ARHGAP11A: variants seen among roughly 807,000 people sequenced by gnomAD.
ARHGAP11A encodes rho GTPase-activating protein 11A.
A neutral mutation model predicts 60.5 loss-of-function variants in ARHGAP11A; 36 were observed. The observed-to-expected ratio is 0.59, with a 90% confidence interval of 0.46 to 0.79. The LOEUF (loss-of-function observed/expected upper bound fraction) is 0.79, where lower values mean the gene tolerates loss of function less well. Ranked by LOEUF, ARHGAP11A falls within the 30% of genes least tolerant of loss-of-function variation. ARHGAP11A has a pLI of 0.00. For missense variants in ARHGAP11A, 1,071 were observed against 1,199.2 expected, an observed-to-expected ratio of 0.89 and a Z score of 1.58; for synonymous variants, 362 against 415.5, an observed-to-expected ratio of 0.87 and a Z score of 1.57.
At chr15:32,621,907 C>T (rs1056425016) in intron 2 of ARHGAP11A, among the ~76,000 whole-genome samples, 1 of 152,304 alleles carries the variant, frequency 6.6e-6, no homozygotes, top group Non-Finnish European at 1.5e-5. Flanking sequence ...TCCCCTCCAT[C>T]TAAAGTAGGG....
rs750291469 is a variant in ARHGAP11A, at chr15:32,637,084, G to A, written c.2311G>A (p.Val771Ile). Residue 771 changes from valine (V) to isoleucine (I), a missense_variant, in exon 12 of 12, where the codon GTA (valine) becomes ATA (isoleucine). This residue lies in a region of ARHGAP11A where 776 missense variants were observed against 760.2 expected (regional missense o/e 1.02). Coordinates refer to ENST00000361627, the MANE Select transcript of ARHGAP11A (RefSeq NM_014783.6). ...TTTCTCACAGCAGAGTACATGTGTTGTAACAAACTTGTCAAAACCTAGGCC... is the reference window on the plus strand; with the variant it reads ...TTTCTCACAGCAGAGTACATGTGTTATAACAAACTTGTCAAAACCTAGGCC... Reference protein sequence around the residue: ...SSFSQQSTCVVTNLSKPRPMR... With the variant: ...SSFSQQSTCVITNLSKPRPMR... 4 of 1,613,868 alleles carry A rather than the reference G, an allele frequency of 2.5e-6. No individual in the cohort carries two copies. Among genetic ancestry groups the A allele is most frequent in the Non-Finnish European group, 2.5e-6 (3 of 1,180,036 alleles).
chr15:32,623,902 C>T (rs890745478), intron 3 of ARHGAP11A, among the ~76,000 whole-genome samples: 8 of 151,988 alleles, frequency 5.3e-5, no homozygotes, highest in African/African-American at 4.8e-5. Flanking sequence ...GTGGCACATG[C>T]TTGTAGTCCC....
At chr15:32,619,634 A>G (rs1255512292) in intron 1 of ARHGAP11A, among the ~76,000 whole-genome samples, 1 of 152,172 alleles carries the variant, frequency 6.6e-6, no homozygotes, top group Non-Finnish European at 1.5e-5. Flanking sequence ...GGAAGACTCA[A>G]TGAATGACAG....
At chr15:32,618,327 A>AC (rs2053211265) in intron 1 of ARHGAP11A, among the ~76,000 whole-genome samples, 1 of 152,230 alleles carries the variant, frequency 6.6e-6, no homozygotes, top group Admixed American at 6.5e-5. Context: ...AAGTAGACTT[A>AC]CCAGCTTAAG....
At chr15:32,622,386 C>T (rs180898859) in intron 2 of ARHGAP11A, among the ~76,000 whole-genome samples, 1 of 152,288 alleles carries the variant, frequency 6.6e-6, no homozygotes, top group East Asian at 1.9e-4. Context: ...CCACTCCAGC[C>T]TGGGTGACAG....
chr15:32,637,668 G>T lies in ARHGAP11A; in HGVS notation c.2895G>T (p.Leu965=). 1.9e-6 allele frequency: 3 copies of T among 1,614,168 alleles called. No homozygotes were observed. Among genetic ancestry groups the T allele is most frequent in the Non-Finnish European group, 2.5e-6 (3 of 1,179,996 alleles). ...DGQVKVPLDD[L]TNHDIVKPVV... ...AAGTTAAGGTTCCCTTGGATGATCT[G>T]ACTAATCATGATATAGTAAAACCAG... Residue 965 remains leucine (L), a synonymous_variant, in exon 12 of 12, where the codon CTG becomes CTT. Transcript: ENST00000361627.
chr15:32,637,875 A>G lies in ARHGAP11A; in HGVS notation c.*30A>G. On this transcript the variant is annotated 3_prime_UTR_variant, in exon 12 of 12. Transcript: ENST00000361627. The stretch of plus-strand genomic sequence containing the variant: ...TAAATGTTATACTTGTCATTAATGT[A>G]AATAAAGTGAGTAATTGGTATGACT... 1 of 1,508,832 alleles carries G rather than the reference A, an allele frequency of 6.6e-7. No homozygotes were observed. The highest frequency in any genetic ancestry group is 2.3e-5 in the East Asian group (1 of 43,926). The allele number at this position is 1,508,832 out of a possible 1,614,324, so 93.5% of individuals were successfully genotyped here. A position where few individuals can be genotyped will look rare whatever the true frequency, so the allele number is the denominator to read the frequency against.
chr15:32,634,163 A>T, intron 10 of ARHGAP11A, 122 bp downstream of exon 10: 1 of 674,722 alleles, frequency 1.5e-6, no homozygotes. Context: ...TTTTATCCAA[A>T]ACTCTTATAC....
intron 4 of ARHGAP11A, 136 bp from the exon 5 acceptor site, chr15:32,624,944 T>C: frequency 1.3e-6 from 1 of 776,144 alleles, no homozygotes; most frequent in Middle Eastern, 3.0e-4. Flanking sequence ...TTCAAGCCAA[T>C]CATGTAGATG....
At chr15:32,623,055 G>C (rs895549944) in intron 2 of ARHGAP11A, among the ~76,000 whole-genome samples, 2 of 150,716 alleles carry the variant, frequency 1.3e-5, no homozygotes, top group Non-Finnish European at 3.0e-5. Flanking sequence ...GTGATAGATC[G>C]AGCAATACGA....
intron 6 of ARHGAP11A, among the ~76,000 whole-genome samples, chr15:32,628,002 G>T (rs2140460855): frequency 6.6e-6 from 1 of 152,140 alleles, no homozygotes; most frequent in Middle Eastern, 3.4e-3. Context: ...TAGAAAGGGG[G>T]TTTCACTGTG....
In ARHGAP11A at chr15:32,616,221, C is replaced by G. The variant is rs1378869993; in HGVS notation, c.10C>G (p.Gln4Glu). 6.2e-7 allele frequency: 1 copy of G among 1,614,096 alleles called. No individual in the cohort carries two copies. The highest frequency in any genetic ancestry group is 1.7e-5 in the Admixed American group (1 of 60,006). MWD[Q>E]RLVRLALLQH... ...TATCGACGTATCCGGAATGTGGGAT[C>G]AGAGGCTGGTGAGGTTGGCCCTGTT... The change falls in exon 1 of 12, where the codon CAG becomes GAG. Residue 4 changes from glutamine to glutamate, a missense_variant. By Grantham distance (29) the Gln-to-Glu change is conservative. This residue lies in a region of ARHGAP11A where 28 missense variants were observed against 24.5 expected (regional missense o/e 1.14). Transcript: ENST00000361627.
intron 1 of ARHGAP11A, among the ~76,000 whole-genome samples, chr15:32,618,584 G>A (rs543878944): frequency 1.3e-5 from 2 of 152,310 alleles, no homozygotes; most frequent in South Asian, 4.1e-4. Flanking sequence ...GGATACCGAG[G>A]AACAGAATGT....
intron 8 of ARHGAP11A, 141 bp from the exon 9 acceptor site, chr15:32,632,838 G>T (rs2053615316): frequency 1.3e-6 from 1 of 791,230 alleles, no homozygotes. Context: ...GACACTTGAA[G>T]TTTCTAACCA....
chr15:32,633,136 A>C, intron 9 of ARHGAP11A, 28 bp downstream of exon 9: 1 of 1,612,264 alleles, frequency 6.2e-7, no homozygotes, highest in Non-Finnish European at 8.5e-7. Flanking sequence ...TTTTGTTTTC[A>C]TCGGATAAAT....
At chr15:32,618,823 G>T (rs2053227376) in intron 1 of ARHGAP11A, among the ~76,000 whole-genome samples, 1 of 145,116 alleles carries the variant, frequency 6.9e-6, no homozygotes, top group Admixed American at 7.1e-5. Flanking sequence ...GTGGTGGCGG[G>T]CGCCTGTAGT....
At chr15:32,622,226 T>C (rs1446670991) in intron 2 of ARHGAP11A, among the ~76,000 whole-genome samples, 1 of 152,298 alleles carries the variant, frequency 6.6e-6, no homozygotes, top group Non-Finnish European at 1.5e-5. Flanking sequence ...AAGACAAGCC[T>C]GGGCAACATG....
chr15:32,616,094 G>C lies in ARHGAP11A; in HGVS notation c.-118G>C. On this transcript the variant is annotated 5_prime_UTR_variant, in exon 1 of 12. Coordinates refer to ENST00000361627, the MANE Select transcript of ARHGAP11A (RefSeq NM_014783.6). ...GTCGGGGCCGCAGAAGTGCCAGACGGGGCCGGAAAGCAGCCGAGCGGAGTT... is the reference window on the plus strand; with the variant it reads ...GTCGGGGCCGCAGAAGTGCCAGACGCGGCCGGAAAGCAGCCGAGCGGAGTT... 1 of 1,464,564 alleles carries C rather than the reference G, an allele frequency of 6.8e-7. No individual in the cohort carries two copies. Among genetic ancestry groups the C allele is most frequent in the Non-Finnish European group, 9.1e-7 (1 of 1,097,194 alleles). 90.7% of individuals were successfully genotyped at this position (1,464,564 alleles called of 1,614,324 possible). A position where few individuals can be genotyped will look rare whatever the true frequency, so the allele number is the denominator to read the frequency against.
chr15:32,616,405 C>T (rs4353456), intron 1 of ARHGAP11A, 65 bp downstream of exon 1: 2 of 1,605,240 alleles, frequency 1.2e-6, no homozygotes, highest in African/African-American at 1.3e-5. Context: ...TCACTTACTA[C>T]CAGATCGTGC....
Sources: gnomAD v4.1 joint callset for allele counts (sites outside exome capture counted in the v4.1 genomes callset) on GRCh38, gnomAD v4.1.1 for gene constraint, gnomAD v4.1.1 regional missense constraint, MANE v1.5 for transcripts, NCBI Gene and HGNC (gene_info 2026-07-23, HGNC 2026-07-21) for gene names.